Variants in ACACA observed in about 807,000 individuals in gnomAD.
ACACA encodes acetyl-CoA carboxylase 1.
Under a neutral mutation model 296.1 loss-of-function variants are expected in ACACA, and 103 were observed. The ratio of observed to expected loss-of-function variants is 0.35; its 90% confidence interval spans 0.30 to 0.41. The LOEUF is 0.41. ACACA is among the 10% of genes least tolerant of loss of function. The pLI is 1.00. For missense variants in ACACA, 1,554 were observed against 2,989.7 expected (o/e 0.52, Z 11.20); for synonymous variants, 953 against 1,038.6 (o/e 0.92, Z 1.58).
At chr17:37,150,012 G>A (rs1306780630) in intron 44 of ACACA, 38 bp from the exon 45 acceptor site, 2 of 1,568,602 alleles carry the variant, frequency 1.3e-6, no homozygotes, top group African/African-American at 2.7e-5. Context: ...ACATATTTAT[G>A]TCCTCTCTGA....
At position 37,248,560 on chromosome 17, in the gene ACACA, G is replaced by T. The variant is rs765134466; in HGVS notation, c.2163+33C>A. 4.0e-6 allele frequency: 6 copies of T among 1,503,356 alleles called. No homozygotes were observed. In the Admixed American group the frequency reaches 1.0e-4, roughly 25 times the overall value. The allele number at this position is 1,503,356 out of a possible 1,614,324, so 93.1% of individuals were successfully genotyped here. A position where few individuals can be genotyped will look rare whatever the true frequency, so the allele number is the denominator to read the frequency against. Reference sequence around the variant, plus strand: ...AACCTAAAGAAAGATAGCTAAAAAAGTAAGGTGCAAGCTCCAATGGGGTTC... The same window carrying T: ...AACCTAAAGAAAGATAGCTAAAAAATTAAGGTGCAAGCTCCAATGGGGTTC... On this transcript the variant is annotated intron_variant, in intron 17 of 55. Transcript: ENST00000616317.
chr17:37,140,072 G>A (rs75611536), intron 45 of ACACA, among the ~76,000 whole-genome samples: 2,256 of 152,284 alleles, frequency 0.015, 60 homozygotes, highest in African/African-American at 0.05. Context: ...GAATGGGATT[G>A]GCTCCAAAAG....
In ACACA at chr17:37,247,856, A is replaced by G. The variant is rs186541958; in HGVS notation, c.2309+155T>C. 1.9e-4 allele frequency: 149 copies of G among 789,762 alleles called. 2 individuals carry two copies. In the East Asian group the frequency reaches 3.3e-3, roughly 17 times the overall value. 48.9% of individuals were successfully genotyped at this position (789,762 alleles called of 1,614,324 possible). A position where few individuals can be genotyped will look rare whatever the true frequency, so the allele number is the denominator to read the frequency against. Reference sequence around the variant, plus strand: ...TGTTTTTAATTATAAACACTTTAATACTCTTGATATTTTTGTTAAGTGCAT... The same window carrying G: ...TGTTTTTAATTATAAACACTTTAATGCTCTTGATATTTTTGTTAAGTGCAT... On this transcript the variant is annotated intron_variant, in intron 18 of 55. Transcript: ENST00000616317.
intron 1 of ACACA, among the ~76,000 whole-genome samples, chr17:37,401,714 A>G (rs940706908): frequency 2.0e-5 from 3 of 152,010 alleles, no homozygotes; most frequent in African/African-American, 7.3e-5. Flanking sequence ...GTGTGCTATC[A>G]TGCCCAGCTA....
chr17:37,305,904 GTTTTTTTTTT>G (rs200591761), intron 3 of ACACA, among the ~76,000 whole-genome samples: 12 of 95,810 alleles, frequency 1.3e-4, no homozygotes, highest in Non-Finnish European at 2.4e-4. Flanking sequence ...TTTTTTTTTT[GTTTTTTTTTT>G]TTTTTTTTTT....
chr17:37,177,234 AG>A (rs1413353980), intron 41 of ACACA, among the ~76,000 whole-genome samples: 2 of 151,194 alleles, frequency 1.3e-5, no homozygotes, highest in African/African-American at 4.9e-5. Context: ...TAGGTCTTAA[AG>A]GGGTTAAAAA....
intron 52 of ACACA, among the ~76,000 whole-genome samples, chr17:37,099,793 A>G (rs927834633): frequency 6.6e-6 from 1 of 152,180 alleles, no homozygotes; most frequent in Non-Finnish European, 1.5e-5. Flanking sequence ...TTCTCCACAG[A>G]AAGAAACCAA....
chr17:37,191,328 G>T, intron 37 of ACACA, 53 bp from the exon 38 acceptor site: 2 of 1,534,266 alleles, frequency 1.3e-6, no homozygotes, highest in East Asian at 2.3e-5. Flanking sequence ...AGGCAATAAA[G>T]AAATGGCTAT....
chr17:37,335,370 C>T (rs969083035), intron 2 of ACACA, among the ~76,000 whole-genome samples: 1 of 152,180 alleles, frequency 6.6e-6, no homozygotes, highest in African/African-American at 2.4e-5. Context: ...ATACCTCAAA[C>T]CTCACCTGTG....
At chr17:37,378,362 G>A (rs986653170) in intron 1 of ACACA, among the ~76,000 whole-genome samples, 1 of 152,220 alleles carries the variant, frequency 6.6e-6, no homozygotes, top group African/African-American at 2.4e-5. Context: ...AAGTACAGCA[G>A]TGGAGTTTAG....
At chr17:37,252,384 C>T (rs2081035508) in intron 15 of ACACA, among the ~76,000 whole-genome samples, 1 of 152,090 alleles carries the variant, frequency 6.6e-6, no homozygotes, top group Non-Finnish European at 1.5e-5. Flanking sequence ...AGGCTTCTGA[C>T]AGAAATAAAT....
chr17:37,241,923 G>T, intron 23 of ACACA, 30 bp downstream of exon 23: 1 of 1,566,886 alleles, frequency 6.4e-7, no homozygotes, highest in Non-Finnish European at 8.8e-7. Context: ...GTATGGACAG[G>T]TCTGGGAATC....
chr17:37,345,359 T>A, intron 1 of ACACA: 1 of 152,256 alleles, frequency 6.6e-6, no homozygotes, highest in Non-Finnish European at 1.5e-5. Context: ...GCCTAGAGGA[T>A]CCTTCTTCGG....
At chr17:37,253,356 C>T (rs535306076) in intron 14 of ACACA, among the ~76,000 whole-genome samples, 2 of 152,206 alleles carry the variant, frequency 1.3e-5, no homozygotes, top group East Asian at 3.9e-4. Flanking sequence ...CACGCCACTG[C>T]ACTCTAGCCT....
intron 35 of ACACA, among the ~76,000 whole-genome samples, chr17:37,199,569 C>T (rs180856925): frequency 1.5e-3 from 224 of 152,154 alleles, no homozygotes; most frequent in Non-Finnish European, 2.8e-3. Flanking sequence ...CCTGTTCCTA[C>T]GATTAACATA....
chr17:37,225,825 G>C (rs1412996239), intron 26 of ACACA, among the ~76,000 whole-genome samples: 1 of 152,230 alleles, frequency 6.6e-6, no homozygotes, highest in Non-Finnish European at 1.5e-5. Context: ...CCAACTCTTG[G>C]CTTCCCTGCT....
chr17:37,193,556 A>G (rs1477309918), intron 35 of ACACA, 141 bp from the exon 36 acceptor site: 1 of 626,286 alleles, frequency 1.6e-6, no homozygotes, highest in African/African-American at 1.8e-5. Flanking sequence ...TCCAGGAAAT[A>G]TATATGAATG....
chr17:37,377,641 C>A (rs1478305804), intron 1 of ACACA, among the ~76,000 whole-genome samples: 2 of 150,554 alleles, frequency 1.3e-5, no homozygotes, highest in Non-Finnish European at 2.9e-5. Context: ...TCCTGGGCGA[C>A]AGAGTGAGAC....
Position 37,339,788 on chromosome 17 carries a change from A to G in ACACA, c.85+16T>C. 1.5e-6 allele frequency: 2 copies of G among 1,348,358 alleles called. No individual in the cohort carries two copies. Among genetic ancestry groups the G allele is most frequent in the Non-Finnish European group, 1.1e-6 (1 of 944,982 alleles). The allele number at this position is 1,348,358 out of a possible 1,614,324, so 83.5% of individuals were successfully genotyped here. The stretch of plus-strand genomic sequence containing the variant: ...TTTTATCACATTGTAAACAAGGAGT[A>G]TTATTTGTAACTGACCTCTTATAAT... On this transcript the variant is annotated intron_variant, in intron 2 of 55. Coordinates refer to ENST00000616317, the MANE Select transcript of ACACA (RefSeq NM_198834.3).
Sources: allele counts gnomAD v4.1 joint callset (sites outside exome capture counted in the v4.1 genomes callset), GRCh38; gene constraint gnomAD v4.1.1; transcripts MANE v1.5; gene names NCBI Gene and HGNC (gene_info 2026-07-23, HGNC 2026-07-21).